Variants in RUVBL1 observed in about 807,000 individuals in gnomAD.
RUVBL1 encodes ruvB-like 1.
RUVBL1 carries 4 observed loss-of-function variants against 52.4 expected under a neutral mutation model. That is an observed-to-expected ratio of 0.08 (90% CI 0.04 to 0.17). The LOEUF (loss-of-function observed/expected upper bound fraction) is 0.17, where lower values mean the gene tolerates loss of function less well. Among genes scored for constraint, RUVBL1 ranks in the 10% least tolerant of loss-of-function variants. The pLI is 1.00. For missense variants in RUVBL1, 298 were observed against 572.8 expected (o/e 0.52, Z 4.90); for synonymous variants, 217 against 214.4 (o/e 1.01, Z -0.10).
chr3:128,148,746 A>G (rs1182004170), intron 1 of RUVBL1, among the ~76,000 whole-genome samples: 1 of 152,170 alleles, frequency 6.6e-6, no homozygotes, highest in East Asian at 1.9e-4. Context: ...AAGCACATAT[A>G]TATAGAGAGT....
intron 3 of RUVBL1, among the ~76,000 whole-genome samples, chr3:128,112,243 G>A (rs1159107983): frequency 6.6e-6 from 1 of 152,240 alleles, no homozygotes; most frequent in Non-Finnish European, 1.5e-5. Context: ...AAATGAGAAA[G>A]ATGTCGGATC....
intron 6 of RUVBL1, 63 bp downstream of exon 6, chr3:128,100,532 C>T: frequency 2.6e-6 from 4 of 1,509,548 alleles, no homozygotes; most frequent in South Asian, 2.7e-5. Context: ...CAATTCATTC[C>T]CAGATCTCCA....
downstream of RUVBL1, among the ~76,000 whole-genome samples, chr3:128,076,552 G>A (rs1479542173): frequency 1.3e-5 from 2 of 152,302 alleles, no homozygotes; most frequent in Admixed American, 6.5e-5. This position sits in a 1 kb window ranked among gnomAD's most constrained non-coding sequence, Gnocchi z 6.8. Context: ...TGCAAAGACC[G>A]AAGAGGCTGG....
exon 10 of RUVBL1, chr3:128,065,146 G>A (rs769076533): frequency 1.7e-6 from 2 of 1,191,810 alleles, no homozygotes; most frequent in Admixed American, 3.4e-5. Flanking sequence ...ATATTGTGTT[G>A]AAACGATGAG....
intron 8 of RUVBL1, among the ~76,000 whole-genome samples, chr3:128,091,301 A>AT (rs1942830455): frequency 2.7e-5 from 3 of 109,996 alleles, no homozygotes; most frequent in African/African-American, 1.1e-4. Context: ...AGCTGGGGGA[A>AT]CGGGGGGTGG....
chr3:128,108,702 A>G (rs1002550839), intron 3 of RUVBL1, among the ~76,000 whole-genome samples: 23 of 151,578 alleles, frequency 1.5e-4, no homozygotes, highest in Admixed American at 1.2e-3. Context: ...TCTCAATTAA[A>G]AAAAAAAAAA....
intron 1 of RUVBL1, among the ~76,000 whole-genome samples, chr3:128,150,899 TA>T (rs1559841615): frequency 1.1e-5 from 1 of 87,994 alleles, no homozygotes; most frequent in African/African-American, 4.7e-5. Flanking sequence ...ATTCTATATA[TA>T]TAATATAATA....
chr3:128,087,519 G>A (rs148969019), intron 9 of RUVBL1, among the ~76,000 whole-genome samples, 187 bp downstream of exon 9: 1 of 152,182 alleles, frequency 6.6e-6, no homozygotes, highest in Non-Finnish European at 1.5e-5. Context: ...TGTCTAGTTA[G>A]ACCAATCCAT....
chr3:128,085,396 A>G (rs749789025), intron 9 of RUVBL1, among the ~76,000 whole-genome samples: 1 of 152,208 alleles, frequency 6.6e-6, no homozygotes, highest in African/African-American at 2.4e-5. Flanking sequence ...TGGACCCAAC[A>G]GTAAGGTGCT....
At chr3:128,146,767 GTGTCTC>G (rs1944112808) in intron 1 of RUVBL1, among the ~76,000 whole-genome samples, 1 of 152,040 alleles carries the variant, frequency 6.6e-6, no homozygotes, top group South Asian at 2.1e-4. Context: ...GTACATCTGT[GTGTCTC>G]TGTGCGTGTG....
chr3:128,086,655 A>G (rs1047332135), intron 9 of RUVBL1, among the ~76,000 whole-genome samples: 11 of 152,246 alleles, frequency 7.2e-5, no homozygotes. Flanking sequence ...CTGGCTTTGC[A>G]TCCTGCACTT....
rs927696838 is a variant in RUVBL1, at chr3:128,082,804, G to A, written c.1120-230C>T. On this transcript the variant is annotated intron_variant, in intron 9 of 10. Coordinates refer to ENST00000322623, the MANE Select transcript of RUVBL1 (RefSeq NM_003707.3). This position sits in a 1 kb window ranked among gnomAD's most constrained non-coding sequence, Gnocchi z 4.7. ...TGAATAGCATCACGGCCAGTGTGCT[G>A]TATTCAACTGACTCAAGTGTGGCTG... The A allele has an allele frequency of 2.2e-5, 9 of 418,252 alleles. No individual in the cohort carries two copies. Among genetic ancestry groups the A allele is most frequent in the African/African-American group, 1.2e-4 (6 of 48,438 alleles). 25.9% of individuals were successfully genotyped at this position (418,252 alleles called of 1,614,324 possible).
At chr3:128,117,790 T>A (rs1943560940) in intron 2 of RUVBL1, among the ~76,000 whole-genome samples, 1 of 151,976 alleles carries the variant, frequency 6.6e-6, no homozygotes, top group Non-Finnish European at 1.5e-5. Flanking sequence ...ACAATTAGCA[T>A]TAAGCATGAT....
chr3:128,071,649 A>G (rs1942170855), intron 9 of RUVBL1: 1 of 152,712 alleles, frequency 6.5e-6, no homozygotes, highest in African/African-American at 2.4e-5. Flanking sequence ...GATAAGGTGA[A>G]TAAGTGACAA....
At chr3:128,153,331 A>G (rs1203181780) in exon 1 of RUVBL1, 15 of 1,372,092 alleles carry the variant, frequency 1.1e-5, no homozygotes, top group Non-Finnish European at 1.4e-5. Flanking sequence ...TAGACCACCC[A>G]CTCGGAGCAC....
upstream of RUVBL1, among the ~76,000 whole-genome samples, chr3:128,124,620 C>T (rs1481457174): frequency 6.6e-6 from 1 of 152,230 alleles, no homozygotes; most frequent in Non-Finnish European, 1.5e-5. Flanking sequence ...TCCATCCATC[C>T]GTTCAACAAA....
Position 128,067,872 on chromosome 3 carries a change from T to G in RUVBL1, c.940-2652A>C. The stretch of plus-strand genomic sequence containing the variant: ...TGCGGCAGTTTTAAAGTTCTCTGTA[T>G]GAATATTGTCAGTGCTCGAAGAGGC... On this transcript the variant is annotated intron_variant, in intron 9 of 9. Coordinates refer to the RUVBL1 transcript ENST00000464873. The surrounding 1 kb of genome is among the most constrained non-coding windows in gnomAD (Gnocchi z 4.1). 1.2e-6 allele frequency: 1 copy of G among 864,516 alleles called. No individual in the cohort carries two copies. Among genetic ancestry groups the G allele is most frequent in the Non-Finnish European group, 1.9e-6 (1 of 519,910 alleles). The allele number at this position is 864,516 out of a possible 1,614,324, so 53.6% of individuals were successfully genotyped here.
At chr3:128,076,415 T>C (rs1046158361), downstream of RUVBL1, among the ~76,000 whole-genome samples, 1 of 152,178 alleles carries the variant, frequency 6.6e-6, no homozygotes, top group African/African-American at 2.4e-5. This position sits in a 1 kb window ranked among gnomAD's most constrained non-coding sequence, Gnocchi z 6.8. Context: ...GGGGCCGGCA[T>C]TCCTGCGGGC....
At chr3:128,101,001 G>C (rs1943097376) in intron 5 of RUVBL1, among the ~76,000 whole-genome samples, 1 of 152,206 alleles carries the variant, frequency 6.6e-6, no homozygotes, top group Non-Finnish European at 1.5e-5. Flanking sequence ...TTAACTGTAT[G>C]CAATTCCTGA....
Sources: allele counts gnomAD v4.1 joint callset (sites outside exome capture counted in the v4.1 genomes callset), GRCh38; gene constraint gnomAD v4.1.1; non-coding constraint Gnocchi (gnomAD v3.1); transcripts MANE v1.5; gene names NCBI Gene and HGNC (gene_info 2026-07-23, HGNC 2026-07-21).